MAP3K13: variants seen among roughly 807,000 people sequenced by gnomAD.
The protein encoded by MAP3K13 is mitogen-activated protein kinase kinase kinase 13, also known as leucine zipper-bearing kinase.
Under a neutral mutation model 104.0 loss-of-function variants are expected in MAP3K13, and 52 were observed. The observed-to-expected ratio is 0.50, with a 90% CI of 0.40 to 0.63. The LOEUF (loss-of-function observed/expected upper bound fraction) is 0.63. Ranked by LOEUF, MAP3K13 falls within the 20% of genes least tolerant of loss-of-function variation. MAP3K13 has a pLI of 0.00. For missense variants in MAP3K13, 914 were observed against 1,218.5 expected (o/e 0.75, Z 3.72); for synonymous variants, 394 against 442.2 (o/e 0.89, Z 1.37).
At position 185,408,800 on chromosome 3, in the gene MAP3K13, GACA is replaced by G. The variant is rs1713265348; in HGVS notation, c.-85-19691_-85-19689del. The stretch of plus-strand genomic sequence containing the variant: ...CATAAGCATTATGTAATAAACATGG[GACA>G]ACAACTATTTATAATATACCAGGCT... On this transcript the variant is annotated intron_variant, in intron 1 of 13. Transcript: ENST00000265026. Among the ~76,000 whole-genome samples the G allele has an allele frequency of 3.9e-5, 6 of 152,178 alleles. No homozygotes were observed. The South Asian group carries it at 1.2e-3, about 32-fold the overall frequency.
chr3:185,391,314 A>G (rs1712039886), intron 1 of MAP3K13, among the ~76,000 whole-genome samples: 1 of 152,206 alleles, frequency 6.6e-6, no homozygotes, highest in Non-Finnish European at 1.5e-5. Context: ...TATAAATGAA[A>G]TCATACAATA....
chr3:185,455,615 G>C (rs1716577377), intron 7 of MAP3K13, among the ~76,000 whole-genome samples: 2 of 74,124 alleles, frequency 2.7e-5, no homozygotes, highest in African/African-American at 9.5e-5. Context: ...TCATATATAT[G>C]AGATATATGA....
At chr3:185,342,305 CAGTGCACAAGT>C (rs1722750328) in intron 2 of MAP3K13, among the ~76,000 whole-genome samples, 1 of 152,158 alleles carries the variant, frequency 6.6e-6, no homozygotes, top group Non-Finnish European at 1.5e-5. Flanking sequence ...CTGCATGCTG[CAGTGCACAAGT>C]AGTATACTCA....
chr3:185,433,605 AG>A (rs962496048), intron 2 of MAP3K13, among the ~76,000 whole-genome samples: 2 of 152,222 alleles, frequency 1.3e-5, no homozygotes, highest in Non-Finnish European at 2.9e-5. Context: ...AATTAGTTTC[AG>A]TAAAAAGATG....
intron 2 of MAP3K13, among the ~76,000 whole-genome samples, chr3:185,339,529 G>A (rs1193420574): frequency 6.6e-6 from 1 of 152,172 alleles, no homozygotes; most frequent in African/African-American, 2.4e-5. Flanking sequence ...GTTTTTCTGT[G>A]ACTGTGATGC....
Position 185,307,541 on chromosome 3 carries a change from A to ACCAC in MAP3K13, c.-86+21900_-86+21901insACCC, listed in dbSNP as rs60838783. Among the ~76,000 whole-genome samples the ACCAC allele has an allele frequency of 1.7e-4, 12 of 71,098 alleles. No individual in the cohort carries two copies. In the East Asian group the frequency reaches 3.5e-3, roughly 21 times the overall value. The allele number at this position is 71,098 out of a possible 152,430, so 46.6% of individuals were successfully genotyped here. On this transcript the variant is annotated intron_variant, in intron 2 of 14. Coordinates refer to the MAP3K13 transcript ENST00000424227. ...CTCTATAATTTCCATTTGGTGCACC[A>ACCAC]CCCCCTCCCCCGCCACCCCGAGATG...
chr3:185,366,485 T>C (rs1299772233), intron 1 of MAP3K13, among the ~76,000 whole-genome samples: 1 of 152,238 alleles, frequency 6.6e-6, no homozygotes, highest in East Asian at 1.9e-4. Context: ...ATGATTACTA[T>C]ATGTTTAACA....
intron 10 of MAP3K13, among the ~76,000 whole-genome samples, chr3:185,470,736 C>T (rs761202521): frequency 5.1e-4 from 77 of 152,162 alleles, no homozygotes; most frequent in Non-Finnish European, 9.8e-4. Flanking sequence ...AATACTGTAA[C>T]ATAACATCAT....
chr3:185,442,537 C>CTTT (rs374944629), intron 3 of MAP3K13, among the ~76,000 whole-genome samples: 1 of 144,322 alleles, frequency 6.9e-6, no homozygotes, highest in Non-Finnish European at 1.5e-5. Context: ...CCTTTTTTTT[C>CTTT]TTTTTTTTTT....
chr3:185,288,093 C>T, intron 2 of MAP3K13, among the ~76,000 whole-genome samples: 1 of 152,122 alleles, frequency 6.6e-6, no homozygotes, highest in East Asian at 1.9e-4. Context: ...GGATTAATCA[C>T]TATCATCATG....
At chr3:185,362,866 A>G (rs768800326), upstream of MAP3K13, among the ~76,000 whole-genome samples, 14 of 151,832 alleles carry the variant, frequency 9.2e-5, no homozygotes, top group Non-Finnish European at 2.1e-4. Flanking sequence ...GATTCCACAG[A>G]AATTCTATTT....
Position 185,315,230 on chromosome 3 carries a change from A to G in MAP3K13, c.-86+29587A>G, listed in dbSNP as rs921858874. Among the ~76,000 whole-genome samples, 2 of 152,196 alleles carry G rather than the reference A, an allele frequency of 1.3e-5. No individual in the cohort carries two copies. The highest frequency in any genetic ancestry group is 4.8e-5 in the African/African-American group (2 of 41,454). On this transcript the variant is annotated intron_variant, in intron 2 of 14. Coordinates refer to the MAP3K13 transcript ENST00000424227. The surrounding 1 kb of genome is among the most constrained non-coding windows in gnomAD (Gnocchi z 4.3). ...GCACCACTGCACTCCAGCCTGGGTG[A>G]CAGAGCAAGACTCCAACTCAAAAAA...
chr3:185,483,575 T>C lies in MAP3K13; in HGVS notation c.*1119T>C, dbSNP rs1422316485. ...CCACCCCTCTCTGGAGCCAGGTTGCTTGTCTACTTGAGTCATATTGATTCA... is the reference window on the plus strand; with the variant it reads ...CCACCCCTCTCTGGAGCCAGGTTGCCTGTCTACTTGAGTCATATTGATTCA... On this transcript the variant is annotated 3_prime_UTR_variant, in exon 14 of 14. Coordinates refer to ENST00000265026, the MANE Select transcript of MAP3K13 (RefSeq NM_004721.5). 2 of 224,092 alleles carry C rather than the reference T, an allele frequency of 8.9e-6. No homozygotes were observed. The highest frequency in any genetic ancestry group is 6.5e-5 in the East Asian group (1 of 15,472). The allele number at this position is 224,092 out of a possible 1,614,324, so 13.9% of individuals were successfully genotyped here.
chr3:185,387,299 A>G (rs558586781), intron 1 of MAP3K13, among the ~76,000 whole-genome samples: 1 of 152,240 alleles, frequency 6.6e-6, no homozygotes, highest in African/African-American at 2.4e-5. Flanking sequence ...TTCTCACTCT[A>G]TTAGTGCCTG....
intron 10 of MAP3K13, among the ~76,000 whole-genome samples, chr3:185,469,358 A>G (rs1225298464): frequency 1.3e-5 from 2 of 152,186 alleles, no homozygotes; most frequent in Non-Finnish European, 2.9e-5. Context: ...GGGTCAACGG[A>G]CTTGGGTTCA....
intron 2 of MAP3K13, among the ~76,000 whole-genome samples, chr3:185,334,150 G>T (rs1468130345): frequency 6.6e-6 from 1 of 152,110 alleles, no homozygotes; most frequent in Non-Finnish European, 1.5e-5. Context: ...GTAAAACATT[G>T]CTGAGAAAAA....
chr3:185,314,169 T>C (rs761541376), intron 2 of MAP3K13, among the ~76,000 whole-genome samples: 2 of 152,230 alleles, frequency 1.3e-5, no homozygotes, highest in Non-Finnish European at 1.5e-5. Flanking sequence ...GCACTCATTC[T>C]TTGGCCATAG....
At chr3:185,471,282 A>G (rs1717760984) in intron 10 of MAP3K13, among the ~76,000 whole-genome samples, 1 of 151,658 alleles carries the variant, frequency 6.6e-6, no homozygotes, top group African/African-American at 2.4e-5. Flanking sequence ...GAGCATCCCA[A>G]AAAAACTGTT....
chr3:185,380,951 TTTTTTTTG>T (rs1724690364), intron 1 of MAP3K13, among the ~76,000 whole-genome samples: 8 of 150,258 alleles, frequency 5.3e-5, no homozygotes, highest in East Asian at 2.0e-4. Flanking sequence ...TTTTTTTGTT[TTTTTTTTG>T]TTTTTTTTTG....
Sources: gnomAD v4.1 joint callset for allele counts (sites outside exome capture counted in the v4.1 genomes callset) on GRCh38, gnomAD v4.1.1 for gene constraint, Gnocchi (gnomAD v3.1) non-coding constraint, MANE v1.5 for transcripts, NCBI Gene and HGNC (gene_info 2026-07-23, HGNC 2026-07-21) for gene names.